ARSJ: variants seen among roughly 807,000 people sequenced by gnomAD.
ARSJ encodes arylsulfatase family member J, also known as arylsulfatase J.
A neutral mutation model predicts 35.9 loss-of-function variants in ARSJ; 26 were observed. The ratio of observed to expected loss-of-function variants is 0.72; its 90% CI spans 0.53 to 1.00. ARSJ has a LOEUF of 1.00. Ranked by LOEUF, ARSJ falls within the 50% of genes least tolerant of loss-of-function variation. ARSJ has a pLI of 0.00. For missense variants in ARSJ, 667 were observed against 723.6 expected, an observed-to-expected ratio of 0.92 and a Z score of 0.90; for synonymous variants, 294 against 267.6, an observed-to-expected ratio of 1.10 and a Z score of -0.96.
intron 1 of ARSJ, among the ~76,000 whole-genome samples, chr4:113,945,022 G>A (rs1725387966): frequency 1.3e-5 from 2 of 152,012 alleles, no homozygotes; most frequent in Admixed American, 6.6e-5. Context: ...GTTTATATCT[G>A]AATAGGAATA....
intron 1 of ARSJ, among the ~76,000 whole-genome samples, chr4:113,910,391 A>G (rs2099670094): frequency 6.6e-6 from 1 of 152,212 alleles, no homozygotes; most frequent in African/African-American, 2.4e-5. Context: ...GAATACTAAT[A>G]CTTTTATGCA....
intron 1 of ARSJ, among the ~76,000 whole-genome samples, chr4:113,975,566 G>C (rs1486570662): frequency 2.0e-5 from 3 of 152,024 alleles, no homozygotes; most frequent in Non-Finnish European, 4.4e-5. Context: ...ATCTCATCAG[G>C]ACAACTGTGA....
chr4:113,905,881 T>C (rs1006749404), intron 1 of ARSJ, among the ~76,000 whole-genome samples: 15 of 152,038 alleles, frequency 9.9e-5, no homozygotes, highest in Admixed American at 9.8e-4. Context: ...TTGGCCAGGC[T>C]GATTTCGAAC....
intron 1 of ARSJ, among the ~76,000 whole-genome samples, chr4:113,942,487 A>G (rs909438777): frequency 1.3e-5 from 2 of 152,048 alleles, no homozygotes; most frequent in African/African-American, 4.8e-5. Context: ...TCCAAACAAT[A>G]TCACTCCTAG....
intron 1 of ARSJ, among the ~76,000 whole-genome samples, chr4:113,911,435 A>G (rs1482007508): frequency 2.0e-5 from 3 of 152,186 alleles, no homozygotes; most frequent in African/African-American, 7.2e-5. Context: ...AATGGATTGG[A>G]GTGGAACAAG....
rs1326569176 is a variant in ARSJ, at chr4:113,901,069, G to A, written c.*1205C>T. 1 of 152,070 alleles carries A rather than the reference G, an allele frequency of 6.6e-6. No homozygotes were observed. Among genetic ancestry groups the A allele is most frequent in the Non-Finnish European group, 1.5e-5 (1 of 68,024 alleles). 9.4% of individuals were successfully genotyped at this position (152,070 alleles called of 1,614,324 possible). ...ATCTGTAAAATCATATTATATTACT[G>A]TGGTTGTTAGCAAACCATTCCTTCA... On this transcript the variant is annotated 3_prime_UTR_variant, in exon 2 of 2. Coordinates refer to ENST00000315366, the MANE Select transcript of ARSJ (RefSeq NM_024590.4).
rs776066778 is a variant in ARSJ at position 113,916,493 on chromosome 4, TG to T, written c.399-12819del. On this transcript the variant is annotated intron_variant, in intron 1 of 1. Transcript: ENST00000315366. ...TGCAAATTGTAAAATTTTATAAAAA[TG>T]CTAGTTATAACTAATTGTTACTACA... Among the ~76,000 whole-genome samples, 127 of 151,154 alleles carry T rather than the reference TG, an allele frequency of 8.4e-4. 1 individual carries two copies. Among genetic ancestry groups the T allele is most frequent in the Non-Finnish European group, 1.1e-3 (73 of 67,796 alleles).
chr4:113,945,101 T>C (rs1425111314), intron 1 of ARSJ, among the ~76,000 whole-genome samples: 2 of 152,092 alleles, frequency 1.3e-5, no homozygotes, highest in Non-Finnish European at 2.9e-5. Flanking sequence ...GAAGTCCAAA[T>C]AGAAACTTAT....
At chr4:113,922,083 T>G (rs768924706) in intron 1 of ARSJ, among the ~76,000 whole-genome samples, 1 of 152,126 alleles carries the variant, frequency 6.6e-6, no homozygotes, top group Non-Finnish European at 1.5e-5. Context: ...GTGAGGAAGG[T>G]GAAGTAATGT....
intron 1 of ARSJ, among the ~76,000 whole-genome samples, chr4:113,957,088 C>A (rs911751043): frequency 2.6e-5 from 4 of 151,958 alleles, no homozygotes; most frequent in South Asian, 4.1e-4. Flanking sequence ...TTAGAATAAT[C>A]AATGCCGTTA....
chr4:113,941,774 T>A (rs1725175013), intron 1 of ARSJ, among the ~76,000 whole-genome samples: 1 of 152,066 alleles, frequency 6.6e-6, no homozygotes, highest in Admixed American at 6.6e-5. Flanking sequence ...GTTAAATTAA[T>A]ATTGCCAAGT....
At chr4:113,960,958 T>C (rs866724021) in intron 1 of ARSJ, among the ~76,000 whole-genome samples, 11 of 152,088 alleles carry the variant, frequency 7.2e-5, no homozygotes, top group African/African-American at 2.4e-4. Context: ...GACTGAAAAG[T>C]GACACATTGA....
Position 113,902,120 on chromosome 4 carries a change from G to A in ARSJ, c.*154C>T, listed in dbSNP as rs974551039. ...TGAGCAGGACAGTTTTCAGTGTGGC[G>A]GCCAGGTGGCAGAAGTCTCTGGAGT... On this transcript the variant is annotated 3_prime_UTR_variant, in exon 2 of 2. Transcript: ENST00000315366. 13 of 1,592,990 alleles carry A rather than the reference G, an allele frequency of 8.2e-6. No homozygotes were observed. Among genetic ancestry groups the A allele is most frequent in the African/African-American group, 1.3e-5 (1 of 74,922 alleles).
intron 1 of ARSJ, among the ~76,000 whole-genome samples, chr4:113,959,707 G>T (rs531519007): frequency 1.3e-5 from 2 of 151,856 alleles, no homozygotes; most frequent in East Asian, 3.9e-4. Context: ...TTTTTTTCTT[G>T]AACATTTGGC....
intron 1 of ARSJ, chr4:113,970,477 T>G (rs1727170641): frequency 6.6e-6 from 1 of 152,220 alleles, no homozygotes; most frequent in Non-Finnish European, 1.5e-5. Flanking sequence ...AATTTTACCT[T>G]CAGCGTGAAT....
intron 1 of ARSJ, among the ~76,000 whole-genome samples, chr4:113,950,476 G>A (rs1725793531): frequency 6.6e-6 from 1 of 152,016 alleles, no homozygotes; most frequent in Non-Finnish European, 1.5e-5. Context: ...AGAAGCATGG[G>A]AAAGGGACAT....
At chr4:113,970,005 C>T (rs1000125629) in intron 1 of ARSJ, among the ~76,000 whole-genome samples, 3 of 152,074 alleles carry the variant, frequency 2.0e-5, no homozygotes, top group Non-Finnish European at 4.4e-5. Flanking sequence ...GAAAGCTCAT[C>T]GTTGAGATAA....
At chr4:113,961,914 TGTGTGTGTGTGTGTG>T (rs1726570347) in intron 1 of ARSJ, among the ~76,000 whole-genome samples, 1 of 107,446 alleles carries the variant, frequency 9.3e-6, no homozygotes, top group Non-Finnish European at 2.0e-5. Flanking sequence ...TGTGTGTGTG[TGTGTGTGTGTGTGTG>T]TGTGTGTGTG....
rs938152004 is a variant in ARSJ, at chr4:113,941,681, C to T, written c.398+36756G>A. The stretch of plus-strand genomic sequence containing the variant: ...ACTCTGCAGTAGAAACAAAAATAAA[C>T]ATACAATTTCCAATGTTAATTAAAT... On this transcript the variant is annotated intron_variant, in intron 1 of 1. Coordinates refer to ENST00000315366, the MANE Select transcript of ARSJ (RefSeq NM_024590.4). Among the ~76,000 whole-genome samples the T allele has an allele frequency of 5.3e-5, 8 of 151,886 alleles. No homozygotes were observed. The Admixed American group carries it at 5.3e-4, about 10-fold the overall frequency.
Sources: gnomAD v4.1 joint callset for allele counts (sites outside exome capture counted in the v4.1 genomes callset) on GRCh38, gnomAD v4.1.1 for gene constraint, MANE v1.5 for transcripts, NCBI Gene and HGNC (gene_info 2026-07-23, HGNC 2026-07-21) for gene names.